The following ST8SIA4 variants were observed in gnomAD, a reference collection of about 807,000 sequenced individuals.
The protein encoded by ST8SIA4 is ST8 alpha-N-acetyl-neuraminide alpha-2,8-sialyltransferase 4, also known as CMP-N-acetylneuraminate-poly-alpha-2,8-sialyltransferase.
In ST8SIA4, 15 loss-of-function variants were observed where a neutral mutation model predicts 33.9. The observed-to-expected ratio is 0.44, with a 90% CI of 0.30 to 0.68. The LOEUF (loss-of-function observed/expected upper bound fraction) is 0.68, where lower values mean the gene tolerates loss of function less well. Ranked by LOEUF, ST8SIA4 falls within the 30% of genes least tolerant of loss-of-function variation. ST8SIA4 has a pLI of 0.10. For synonymous variants in ST8SIA4, 171 were observed against 151.2 expected, an observed-to-expected ratio of 1.13 and a Z score of -0.96; for missense variants, 321 against 428.0, an observed-to-expected ratio of 0.75 and a Z score of 2.21.
intron 2 of ST8SIA4, among the ~76,000 whole-genome samples, chr5:100,891,641 G>T (rs1414864507): frequency 6.6e-6 from 1 of 151,938 alleles, no homozygotes; most frequent in Non-Finnish European, 1.5e-5. Flanking sequence ...TTTGATATTT[G>T]GTCCAGAATT....
chr5:100,848,780 T>C (rs1751623368), intron 4 of ST8SIA4, among the ~76,000 whole-genome samples: 1 of 150,830 alleles, frequency 6.6e-6, no homozygotes, highest in Non-Finnish European at 1.5e-5. Context: ...AATTAATAAT[T>C]GCAGAAATCA....
At chr5:100,885,705 GT>G (rs1279239727) in intron 3 of ST8SIA4, 10 of 944,874 alleles carry the variant, frequency 1.1e-5, no homozygotes, top group Middle Eastern at 5.5e-4. Flanking sequence ...CTACTGTTGA[GT>G]TTTTTTCAGT....
At chr5:100,875,483 C>A (rs575277379) in intron 3 of ST8SIA4, among the ~76,000 whole-genome samples, 1 of 152,156 alleles carries the variant, frequency 6.6e-6, no homozygotes, top group Non-Finnish European at 1.5e-5. Context: ...ATTTCTCTTT[C>A]AAACATTCTA....
At chr5:100,852,159 C>T (rs1751717087) in intron 4 of ST8SIA4, among the ~76,000 whole-genome samples, 1 of 109,890 alleles carries the variant, frequency 9.1e-6, no homozygotes, top group South Asian at 3.1e-4. Flanking sequence ...ATCACTGTGT[C>T]ATCCAGGCTG....
intron 3 of ST8SIA4, among the ~76,000 whole-genome samples, chr5:100,866,443 TAAA>T (rs1752060996): frequency 6.6e-6 from 1 of 151,980 alleles, no homozygotes; most frequent in Non-Finnish European, 1.5e-5. Flanking sequence ...TTTCAAAGAG[TAAA>T]CTAAAAGATG....
chr5:100,898,732 A>C (rs1206639501), intron 1 of ST8SIA4, among the ~76,000 whole-genome samples: 3 of 152,184 alleles, frequency 2.0e-5, no homozygotes, highest in African/African-American at 7.2e-5. Context: ...CTTCCCATGA[A>C]TGCGAAGCTT....
intron 3 of ST8SIA4, among the ~76,000 whole-genome samples, chr5:100,885,054 A>G (rs1309294565): frequency 7.8e-6 from 1 of 128,996 alleles, no homozygotes; most frequent in Non-Finnish European, 1.9e-5. Context: ...CACATCAGAA[A>G]TTCTAGAGGC....
chr5:100,867,915 AG>A (rs1244545735), intron 3 of ST8SIA4, among the ~76,000 whole-genome samples: 1 of 151,998 alleles, frequency 6.6e-6, no homozygotes, highest in Non-Finnish European at 1.5e-5. Flanking sequence ...AGGTAGGCCA[AG>A]GCAATTTCAC....
chr5:100,862,265 T>C (rs145976363), intron 3 of ST8SIA4, among the ~76,000 whole-genome samples: 94 of 152,270 alleles, frequency 6.2e-4, no homozygotes, highest in African/African-American at 2.2e-3. Context: ...AAAAGAGGAA[T>C]ATGACTCAAC....
At chr5:100,834,933 A>C (rs1478791042) in intron 4 of ST8SIA4, among the ~76,000 whole-genome samples, 2 of 152,128 alleles carry the variant, frequency 1.3e-5, no homozygotes, top group African/African-American at 4.8e-5. Flanking sequence ...AGCCTCAGTT[A>C]TCTCTTTATA....
chr5:100,892,570 G>C (rs532221548), intron 2 of ST8SIA4, among the ~76,000 whole-genome samples: 15 of 151,936 alleles, frequency 9.9e-5, no homozygotes, highest in Middle Eastern at 6.8e-3. Context: ...TTAGTAATAG[G>C]GTTGAAAATC....
At chr5:100,853,835 A>G (rs1751753735) in intron 4 of ST8SIA4, among the ~76,000 whole-genome samples, 1 of 152,184 alleles carries the variant, frequency 6.6e-6, no homozygotes, top group South Asian at 2.1e-4. Flanking sequence ...TTGGATTGAG[A>G]AATATAAACC....
intron 4 of ST8SIA4, among the ~76,000 whole-genome samples, chr5:100,823,554 C>T (rs767291743): frequency 3.3e-5 from 5 of 152,200 alleles, no homozygotes; most frequent in Non-Finnish European, 5.9e-5. Context: ...ACTCAACCAA[C>T]AAATTTAAGT....
intron 1 of ST8SIA4, chr5:100,900,278 G>T: frequency 2.7e-6 from 1 of 373,774 alleles, no homozygotes; most frequent in South Asian, 1.9e-5. Context: ...CACAAGGCTC[G>T]CAGTGCCCCC....
chr5:100,898,504 G>C (rs1752828403), intron 1 of ST8SIA4, among the ~76,000 whole-genome samples: 1 of 152,258 alleles, frequency 6.6e-6, no homozygotes, highest in East Asian at 1.9e-4. Flanking sequence ...TGCTTTCATT[G>C]AGCTGGTGAT....
rs577231467 is a variant in ST8SIA4, at chr5:100,900,142, G to T, written c.113+2701C>A. On this transcript the variant is annotated intron_variant, in intron 1 of 4. Coordinates refer to ENST00000231461, the MANE Select transcript of ST8SIA4 (RefSeq NM_005668.6). ...GGGACCCCCATTTGCGGGGGGGAAG[G>T]GTCGAAGGGATAAAGGAACTGCCTT... Among the ~76,000 whole-genome samples the T allele has an allele frequency of 3.9e-5, 6 of 152,302 alleles. No individual in the cohort carries two copies. In the South Asian group the frequency reaches 1.0e-3, roughly 26 times the overall value.
chr5:100,811,984 G>A lies in ST8SIA4; in HGVS notation c.943C>T (p.His315Tyr). 1.2e-6 allele frequency: 2 copies of A among 1,614,088 alleles called. No individual in the cohort carries two copies. The highest frequency in any genetic ancestry group is 1.7e-6 in the Non-Finnish European group (2 of 1,179,986). The change falls in exon 5 of 5, where the codon CAT (histidine) becomes TAT (tyrosine). Residue 315 changes from histidine (H) to tyrosine (Y), a missense_variant. His to Tyr is a moderately conservative substitution (Grantham distance 83, BLOSUM62 2). Coordinates refer to ENST00000231461, the MANE Select transcript of ST8SIA4 (RefSeq NM_005668.6). The stretch of plus-strand genomic sequence containing the variant: ...CTATATTTTAAGTCATCATAATAAT[G>A]ATATTTGACCGCTTTTCCATTTAAA... ...KDLNGKAVKY[H>Y]YYDDLKYRYF...
intron 3 of ST8SIA4, among the ~76,000 whole-genome samples, chr5:100,866,345 A>G (rs1752058900): frequency 6.6e-6 from 1 of 152,140 alleles, no homozygotes; most frequent in African/African-American, 2.4e-5. Context: ...AAATGAATGG[A>G]AATATTTGAA....
chr5:100,854,626 G>C (rs1392554686), intron 4 of ST8SIA4, among the ~76,000 whole-genome samples: 2 of 151,962 alleles, frequency 1.3e-5, no homozygotes, highest in African/African-American at 4.8e-5. Flanking sequence ...AACAAAAAAA[G>C]AATGTAATTT....
Sources: allele counts gnomAD v4.1 joint callset (sites outside exome capture counted in the v4.1 genomes callset), GRCh38; gene constraint gnomAD v4.1.1; transcripts MANE v1.5; gene names NCBI Gene and HGNC (gene_info 2026-07-23, HGNC 2026-07-21).